ST18: variants seen among roughly 807,000 people sequenced by gnomAD.
ST18 encodes the protein ST18 C2H2C-type zinc finger transcription factor.
Under a neutral mutation model 110.0 loss-of-function variants are expected in ST18, and 50 were observed. That is an observed-to-expected ratio of 0.45 (90% CI 0.36 to 0.58). The LOEUF is 0.58. ST18 is among the 20% of genes least tolerant of loss of function. ST18 has a pLI of 0.00. For missense variants in ST18, 1,306 were observed against 1,280.1 expected (o/e 1.02, Z -0.31); for synonymous variants, 461 against 452.4 (o/e 1.02, Z -0.24).
intron 2 of ST18, among the ~76,000 whole-genome samples, chr8:52,326,285 A>C (rs762774642): frequency 3.3e-5 from 5 of 152,174 alleles, no homozygotes; most frequent in Non-Finnish European, 2.9e-5. Context: ...GGGAGGACAG[A>C]GGGAGTTCAC....
intron 14 of ST18, 138 bp downstream of exon 14, chr8:52,161,237 C>T: frequency 1.3e-6 from 1 of 783,330 alleles, no homozygotes; most frequent in East Asian, 2.8e-5. Context: ...TATGGTATTT[C>T]ACTTGAATAT....
chr8:52,400,819 T>C (rs1842618485), intron 2 of ST18, among the ~76,000 whole-genome samples: 1 of 152,192 alleles, frequency 6.6e-6, no homozygotes, highest in Non-Finnish European at 1.5e-5. Context: ...ACCATTTTGA[T>C]GTTTAACCTT....
chr8:52,154,314 A>AT (rs1563729418), intron 15 of ST18: 5 of 152,264 alleles, frequency 3.3e-5, no homozygotes, highest in Non-Finnish European at 5.9e-5. Context: ...TTGTTCAAGC[A>AT]CAAAACAGAC....
intron 8 of ST18, among the ~76,000 whole-genome samples, chr8:52,191,523 C>T (rs540203044): frequency 6.6e-6 from 1 of 152,284 alleles, no homozygotes; most frequent in African/African-American, 2.4e-5. Flanking sequence ...ACCACAGTGG[C>T]GGGAGTACCT....
chr8:52,331,608 A>G (rs1163511399), intron 2 of ST18, among the ~76,000 whole-genome samples: 1 of 150,430 alleles, frequency 6.6e-6, no homozygotes, highest in Non-Finnish European at 1.5e-5. Context: ...CTCAAAAATC[A>G]TAGTCACAGA....
At chr8:52,366,825 A>G (rs1462015887) in intron 2 of ST18, among the ~76,000 whole-genome samples, 3 of 152,208 alleles carry the variant, frequency 2.0e-5, no homozygotes, top group Non-Finnish European at 4.4e-5. Context: ...CCATGAGTTC[A>G]GGGACTGTGT....
intron 2 of ST18, among the ~76,000 whole-genome samples, chr8:52,389,139 C>T (rs1437976678): frequency 6.6e-6 from 1 of 152,142 alleles, no homozygotes; most frequent in Non-Finnish European, 1.5e-5. Flanking sequence ...CTGCCCGGGG[C>T]TTGGCTGTGG....
intron 8 of ST18, among the ~76,000 whole-genome samples, chr8:52,211,577 T>G (rs1325808352): frequency 1.3e-5 from 2 of 152,016 alleles, no homozygotes; most frequent in Admixed American, 1.3e-4. Flanking sequence ...TGGCTAATTT[T>G]TTATATTTTA....
At chr8:52,282,450 C>T (rs953200800) in intron 2 of ST18, among the ~76,000 whole-genome samples, 3 of 152,162 alleles carry the variant, frequency 2.0e-5, no homozygotes, top group Non-Finnish European at 4.4e-5. Context: ...TGGCTGACTA[C>T]TGTGGGCAAC....
chr8:52,164,127 A>C, intron 12 of ST18, 37 bp from the exon 13 acceptor site: 1 of 1,554,344 alleles, frequency 6.4e-7, no homozygotes, highest in Non-Finnish European at 8.9e-7. Context: ...ATTTTAGTTA[A>C]AATGATAATA....
chr8:52,409,471 A>T lies in ST18; in HGVS notation c.-589-19T>A, dbSNP rs1845661491. ...TTATTTTCTAAAGAAGAAAAAAAAT[A>T]TGATGTGAAAATTATCATAAGAAAA... On this transcript the variant is annotated intron_variant, in intron 1 of 25. Transcript: ENST00000689386. 1.3e-5 allele frequency: 2 copies of T among 152,340 alleles called. No homozygotes were observed. The highest frequency in any genetic ancestry group is 1.3e-4 in the Admixed American group (2 of 15,310). The allele number at this position is 152,340 out of a possible 1,614,324, so 9.4% of individuals were successfully genotyped here. A position where few individuals can be genotyped will look rare whatever the true frequency, so the allele number is the denominator to read the frequency against.
intron 2 of ST18, among the ~76,000 whole-genome samples, chr8:52,359,528 A>C (rs1161370479): frequency 2.0e-5 from 3 of 152,146 alleles, no homozygotes; most frequent in African/African-American, 7.2e-5. Flanking sequence ...GCCAGGCACT[A>C]TTCTAAGCAC....
At chr8:52,268,540 A>G (rs117442910) in intron 2 of ST18, among the ~76,000 whole-genome samples, 31,114 of 151,532 alleles carry the variant, frequency 0.21, 3,805 homozygotes, top group Middle Eastern at 0.38. Context: ...TCTATCATCT[A>G]TCTATCTATT....
chr8:52,149,672 C>T (rs1361703685), intron 16 of ST18, 60 bp downstream of exon 16: 1 of 1,553,972 alleles, frequency 6.4e-7, no homozygotes, highest in African/African-American at 1.4e-5. Flanking sequence ...GAGGGAAAAG[C>T]TAGTGATACC....
At chr8:52,286,293 A>G (rs1435121348) in intron 2 of ST18, among the ~76,000 whole-genome samples, 2 of 152,354 alleles carry the variant, frequency 1.3e-5, no homozygotes, top group East Asian at 3.9e-4. Flanking sequence ...GGCACAGTAC[A>G]AAGCTGGCAA....
intron 23 of ST18, among the ~76,000 whole-genome samples, chr8:52,119,475 G>T (rs1018639153): frequency 2.0e-5 from 3 of 152,148 alleles, no homozygotes; most frequent in African/African-American, 7.2e-5. Flanking sequence ...AGGGTACTTG[G>T]CTTGACAATT....
intron 2 of ST18, among the ~76,000 whole-genome samples, chr8:52,331,859 A>C (rs1367514515): frequency 1.3e-5 from 2 of 152,170 alleles, no homozygotes; most frequent in Non-Finnish European, 2.9e-5. Context: ...CTTCCCATTT[A>C]GCAAGCACTC....
At chr8:52,261,964 G>T (rs1391608456) in intron 2 of ST18, among the ~76,000 whole-genome samples, 1 of 152,084 alleles carries the variant, frequency 6.6e-6, no homozygotes, top group Admixed American at 6.6e-5. Flanking sequence ...TCAATTTTCT[G>T]TTGCTATAAG....
intron 8 of ST18, among the ~76,000 whole-genome samples, chr8:52,198,769 T>G (rs959855888): frequency 1.3e-5 from 2 of 152,174 alleles, no homozygotes; most frequent in Non-Finnish European, 2.9e-5. Context: ...ACAAATAACT[T>G]GAAACAGAAA....
Sources: gnomAD v4.1 joint callset for allele counts (sites outside exome capture counted in the v4.1 genomes callset) on GRCh38, gnomAD v4.1.1 for gene constraint, MANE v1.5 for transcripts, NCBI Gene and HGNC (gene_info 2026-07-23, HGNC 2026-07-21) for gene names.